The following FAM133A variants were observed in gnomAD, a reference collection of about 807,000 sequenced individuals.
The protein encoded by FAM133A is protein FAM133A.
For synonymous variants in FAM133A, 65 were observed against 58.6 expected (o/e 1.11, Z -0.50); for missense variants, 159 against 164.4 (o/e 0.97, Z 0.18).
chrX:93,695,890 C>T (rs1195020595), intron 2 of FAM133A, among the ~76,000 whole-genome samples: 1 of 109,458 alleles, frequency 9.1e-6, no homozygotes, highest in Non-Finnish European at 1.9e-5. Context: ...GTGATCCACC[C>T]ACCTTAGCCT....
chrX:93,681,287 G>GTCTATCTATCTATCTATCTATCTATCTA (rs55666833), intron 2 of FAM133A, among the ~76,000 whole-genome samples: 1 of 104,789 alleles, frequency 9.5e-6, no homozygotes, highest in Admixed American at 1.1e-4. Context: ...GATATATTCT[G>GTCTATCTATCTATCTATCTATCTATCTA]TCTATCTATC....
At chrX:93,677,038 TCTA>T (rs781065930) in intron 2 of FAM133A, among the ~76,000 whole-genome samples, 73 of 110,819 alleles carry the variant, frequency 6.6e-4, no homozygotes, top group Non-Finnish European at 1.1e-3. Flanking sequence ...TCCTATTTGT[TCTA>T]CTGTGAAATA....
At chrX:93,691,778 A>G (rs997094245) in intron 2 of FAM133A, among the ~76,000 whole-genome samples, 10 of 111,580 alleles carry the variant, frequency 9.0e-5, no homozygotes, top group Non-Finnish European at 1.7e-4. Context: ...TGATCCTTCC[A>G]ACCCAAGAGT....
chrX:93,685,167 C>G (rs1399284285), intron 2 of FAM133A, among the ~76,000 whole-genome samples: 1 of 111,500 alleles, frequency 9.0e-6, no homozygotes, highest in Non-Finnish European at 1.9e-5. Context: ...AACTTCTATT[C>G]TTTTTCTTAT....
At chrX:93,700,629 C>T (rs1369476760) in intron 3 of FAM133A, among the ~76,000 whole-genome samples, 9 of 111,147 alleles carry the variant, frequency 8.1e-5, no homozygotes, top group African/African-American at 1.3e-4. Context: ...CTGACCATTA[C>T]GTGCTATTAT....
chrX:93,693,140 G>A (rs901009778), intron 2 of FAM133A, among the ~76,000 whole-genome samples: 1 of 111,393 alleles, frequency 9.0e-6, no homozygotes, highest in Admixed American at 9.5e-5. Flanking sequence ...AGATGAGTTT[G>A]GAGAAGCAAG....
At chrX:93,699,551 G>T (rs1417802546) in intron 3 of FAM133A, among the ~76,000 whole-genome samples, 1 of 111,094 alleles carries the variant, frequency 9.0e-6, no homozygotes, top group African/African-American at 3.3e-5. Context: ...ATATCCTCCA[G>T]CGGCTTTCTT....
chrX:93,686,880 A>G lies in FAM133A; in HGVS notation c.-192-11517A>G, dbSNP rs764096559. On this transcript the variant is annotated intron_variant, in intron 2 of 3. Coordinates refer to ENST00000683942, the MANE Select transcript of FAM133A (RefSeq NM_001171109.2). The stretch of plus-strand genomic sequence containing the variant: ...TAAAGGGCTATTTTAACAAGTCTAG[A>G]CTCATTTATCAGACATTCATGGCCA... Among the ~76,000 whole-genome samples, 13 of 111,792 alleles carry G rather than the reference A, an allele frequency of 1.2e-4. No individual in the cohort carries two copies. The South Asian group carries it at 4.9e-3, about 42-fold the overall frequency.
chrX:93,685,815 A>G (rs1925474172), intron 2 of FAM133A, among the ~76,000 whole-genome samples: 1 of 111,371 alleles, frequency 9.0e-6, no homozygotes, highest in Non-Finnish European at 1.9e-5. Flanking sequence ...CATACTCTGA[A>G]ATTAACCCTT....
chrX:93,700,234 G>A (rs1188972344), intron 3 of FAM133A, among the ~76,000 whole-genome samples: 1 of 109,769 alleles, frequency 9.1e-6, no homozygotes, highest in Non-Finnish European at 1.9e-5. Context: ...TCCCCCAACC[G>A]CCACTCCCAA....
At chrX:93,679,549 C>A (rs900987843) in intron 2 of FAM133A, among the ~76,000 whole-genome samples, 1 of 110,438 alleles carries the variant, frequency 9.1e-6, no homozygotes, top group East Asian at 2.8e-4. Context: ...TAACATAGCG[C>A]TATTTTTTAA....
At chrX:93,681,872 G>A (rs1180348280) in intron 2 of FAM133A, among the ~76,000 whole-genome samples, 2 of 111,899 alleles carry the variant, frequency 1.8e-5, no homozygotes, top group Non-Finnish European at 3.8e-5. Flanking sequence ...TCTACATCAT[G>A]AGAATGTGTT....
At chrX:93,697,852 A>T (rs1029035778) in intron 2 of FAM133A, among the ~76,000 whole-genome samples, 2 of 111,798 alleles carry the variant, frequency 1.8e-5, no homozygotes, top group Non-Finnish European at 3.8e-5. Context: ...AAGTTCAGGG[A>T]CACTGAGGAA....
chrX:93,688,931 T>C (rs1273685432), intron 2 of FAM133A, among the ~76,000 whole-genome samples: 1 of 110,883 alleles, frequency 9.0e-6, no homozygotes, highest in Non-Finnish European at 1.9e-5. Flanking sequence ...TAACTATATA[T>C]ATATGTGGTA....
At position 93,709,470 on chromosome X, in the gene FAM133A, C is replaced by G. The variant is rs1349796455; in HGVS notation, c.51C>G (p.Ala17=). The G allele has an allele frequency of 1.8e-5, 21 of 1,199,846 alleles. No individual in the cohort carries two copies. The highest frequency in any genetic ancestry group is 2.1e-5 in the Non-Finnish European group (19 of 892,020). Residue 17 remains alanine, a synonymous_variant, in exon 4 of 4, where the codon GCC becomes GCG. Coordinates refer to ENST00000683942, the MANE Select transcript of FAM133A (RefSeq NM_001171109.2). ...CCTATATGAATCCTATAGCAATGGCCAGATGGAGAGGCCCAACTCAATCTG... is the reference window on the plus strand; with the variant it reads ...CCTATATGAATCCTATAGCAATGGCGAGATGGAGAGGCCCAACTCAATCTG... ...RVAYMNPIAM[A]RWRGPTQSVG... is the part of the protein sequence containing the mutation.
chrX:93,709,818 A>T lies in FAM133A; in HGVS notation c.399A>T (p.Lys133Asn). The change falls in exon 4 of 4, where the codon AAA (lysine) becomes AAT (asparagine). Residue 133 changes from lysine (K) to asparagine (N), a missense_variant. Physicochemically the swap from Lys to Asn is moderately conservative, Grantham distance 94. Coordinates refer to ENST00000683942, the MANE Select transcript of FAM133A (RefSeq NM_001171109.2). ...EEKKQGKRRK[K>N]KKNRSYKSSQ... The stretch of plus-strand genomic sequence containing the variant: ...AGAAACAAGGAAAAAGGAGAAAGAA[A>T]AAGAAGAACCGTTCATACAAATCAT... 1 of 1,199,579 alleles carries T rather than the reference A, an allele frequency of 8.3e-7. No homozygotes were observed. The highest frequency in any genetic ancestry group is 1.1e-6 in the Non-Finnish European group (1 of 888,925).
At chrX:93,679,000 TA>T (rs1198833437) in intron 2 of FAM133A, among the ~76,000 whole-genome samples, 1 of 111,813 alleles carries the variant, frequency 8.9e-6, no homozygotes, top group Non-Finnish European at 1.9e-5. Flanking sequence ...ATAACAGCAG[TA>T]AAAACCTAGA....
chrX:93,687,163 T>C (rs1484844022), intron 2 of FAM133A, among the ~76,000 whole-genome samples: 1 of 112,173 alleles, frequency 8.9e-6, no homozygotes, highest in African/African-American at 3.2e-5. Flanking sequence ...ACAACAGCCA[T>C]AAAATGGAAT....
intron 2 of FAM133A, among the ~76,000 whole-genome samples, chrX:93,693,880 T>C (rs147972557): frequency 0.012 from 1,390 of 111,919 alleles, 11 homozygotes; most frequent in South Asian, 0.032. Flanking sequence ...ATTTCCACAG[T>C]GTAAAAGGTT....
Sources: allele counts gnomAD v4.1 joint callset (sites outside exome capture counted in the v4.1 genomes callset), GRCh38; gene constraint gnomAD v4.1.1; transcripts MANE v1.5; gene names NCBI Gene and HGNC (gene_info 2026-07-23, HGNC 2026-07-21).